GRK4: variants seen among roughly 807,000 people sequenced by gnomAD.
GRK4 encodes G protein-coupled receptor kinase 2-like.
A neutral mutation model predicts 77.9 loss-of-function variants in GRK4; 73 were observed. The ratio of observed to expected loss-of-function variants is 0.94; its 90% CI spans 0.78 to 1.14. GRK4 has a LOEUF of 1.14. GRK4 is among the 50% of genes most tolerant of loss of function. The probability of loss-of-function intolerance (pLI) is 0.00; values close to 1 mark genes in which losing one functional copy is unlikely to be tolerated. For missense variants in GRK4, 729 were observed against 700.2 expected (o/e 1.04, Z -0.46); for synonymous variants, 257 against 254.4 (o/e 1.01, Z -0.10).
Position 3,038,410 on chromosome 4 carries a change from A to T in GRK4, c.1580A>T (p.Lys527Ile), listed in dbSNP as rs181661911. The change falls in exon 15 of 16, where the codon AAA becomes ATA. Residue 527 changes from lysine to isoleucine, a missense_variant. Lys to Ile is a moderately radical substitution (Grantham distance 102). Transcript: ENST00000398052. ...IESGCFKDIN[K>I]SESEEALPLD... ...TCTGGGTGTTTCAAAGACATCAACA[A>T]AAGTGAAAGTGAGGAAGCTTTGCCA... 4.2e-5 allele frequency: 67 copies of T among 1,614,236 alleles called. No individual in the cohort carries two copies. The East Asian group carries it at 1.5e-3, about 36-fold the overall frequency.
Position 3,013,742 on chromosome 4 carries a change from C to CA in GRK4, c.664dup (p.Arg222LysfsTer8), listed in dbSNP as rs375862689. ...AAAAATGTATGCCTGCAAAAAGCTA[C>CA]AAAAAAAAAGAATAAAGAAGAGGAA... On this transcript the variant is annotated frameshift_variant, in exon 8 of 16. Coordinates refer to ENST00000398052, the MANE Select transcript of GRK4 (RefSeq NM_182982.3). LOFTEE classifies it high-confidence loss of function. 438 of 1,593,246 alleles carry CA rather than the reference C, an allele frequency of 2.7e-4. 1 individual carries two copies. The highest frequency in any genetic ancestry group is 1.5e-3 in the African/African-American group (113 of 73,562).
intron 10 of GRK4, 81 bp from the exon 11 acceptor site, chr4:3,027,831 G>A (rs1005973151): frequency 2.7e-6 from 3 of 1,093,112 alleles, no homozygotes; most frequent in Non-Finnish European, 4.2e-6. Flanking sequence ...GTTTTTGAGG[G>A]GCCTTTTTTC....
chr4:3,036,246 G>T (rs1323719870), intron 13 of GRK4, among the ~76,000 whole-genome samples: 3 of 152,214 alleles, frequency 2.0e-5, no homozygotes, highest in Non-Finnish European at 4.4e-5. Flanking sequence ...GAGGTCCTGG[G>T]ACTGTGGCCT....
At chr4:2,984,657 A>G (rs1487670552) in intron 2 of GRK4, 49 bp downstream of exon 2, 1 of 940,246 alleles carries the variant, frequency 1.1e-6, no homozygotes, top group Non-Finnish European at 1.6e-6. Context: ...CTGGCATGAT[A>G]CCATTCATTA....
chr4:2,963,905 T>TCGAGAACA lies in GRK4; in HGVS notation c.-166_-165insCGAGAACA. 1 of 674,546 alleles carries TCGAGAACA rather than the reference T, an allele frequency of 1.5e-6. No individual in the cohort carries two copies. The highest frequency in any genetic ancestry group is 2.6e-6 in the Non-Finnish European group (1 of 385,794). 41.8% of individuals were successfully genotyped at this position (674,546 alleles called of 1,614,324 possible). On this transcript the variant is annotated 5_prime_UTR_variant, in exon 1 of 16. In the 5' UTR this introduces an upstream ATG that the reference lacks. Transcript: ENST00000398052. ...TGCGGAGGCGGCGGCGGCGGCGCCC[T>TCGAGAACA]TGGTGGCAGTGGTGGCGGCGGAGCA...
At chr4:2,965,393 CT>C in intron 1 of GRK4, 1 of 703,076 alleles carries the variant, frequency 1.4e-6, no homozygotes, top group Non-Finnish European at 2.6e-6. Context: ...CCTCAAGTCC[CT>C]GTGCTAGCCA....
rs1320613082 is a variant in GRK4, at chr4:2,975,634, A to T, written c.53-8879A>T. On this transcript the variant is annotated intron_variant, in intron 1 of 15. Coordinates refer to ENST00000398052, the MANE Select transcript of GRK4 (RefSeq NM_182982.3). ...TTCCTCCTTGAGCCGGCTAACATGG[A>T]CAGACAGATGAAACCTCCACAGGTT... Among the ~76,000 whole-genome samples, 3 of 152,166 alleles carry T rather than the reference A, an allele frequency of 2.0e-5. No homozygotes were observed. The East Asian group carries it at 5.8e-4, about 29-fold the overall frequency.
intron 1 of GRK4, among the ~76,000 whole-genome samples, chr4:2,982,957 G>A (rs1723247739): frequency 6.6e-6 from 1 of 152,180 alleles, no homozygotes. Flanking sequence ...ATGTGGACTG[G>A]ATTTGAGGGG....
intron 4 of GRK4, among the ~76,000 whole-genome samples, chr4:2,995,389 C>G (rs1339951602): frequency 6.6e-6 from 1 of 151,894 alleles, no homozygotes; most frequent in Non-Finnish European, 1.5e-5. Flanking sequence ...TTTACTTGGA[C>G]CAGGTGCTGT....
chr4:2,997,113 G>A (rs1327987308), intron 4 of GRK4, among the ~76,000 whole-genome samples: 1 of 152,084 alleles, frequency 6.6e-6, no homozygotes, highest in Non-Finnish European at 1.5e-5. Context: ...GTTCATTCTT[G>A]CATTTCTTTA....
intron 1 of GRK4, among the ~76,000 whole-genome samples, chr4:2,972,190 C>A (rs1381129826): frequency 6.6e-6 from 1 of 152,150 alleles, no homozygotes; most frequent in Non-Finnish European, 1.5e-5. Flanking sequence ...AAGAGGAATC[C>A]TCTGACAGTT....
Position 3,040,688 on chromosome 4 carries a change from G to C in GRK4, c.*63G>C. ...AGGAAGGAGCATGTGTTAGCGTCTCGTCCCACCTGGAATTGTAATAAATAC... is the reference window on the plus strand; with the variant it reads ...AGGAAGGAGCATGTGTTAGCGTCTCCTCCCACCTGGAATTGTAATAAATAC... On this transcript the variant is annotated 3_prime_UTR_variant, in exon 16 of 16. Coordinates refer to ENST00000398052, the MANE Select transcript of GRK4 (RefSeq NM_182982.3). 2.2e-6 allele frequency: 3 copies of C among 1,363,884 alleles called. No individual in the cohort carries two copies. Among genetic ancestry groups the C allele is most frequent in the South Asian group, 2.4e-5 (2 of 82,096 alleles). The allele number at this position is 1,363,884 out of a possible 1,614,324, so 84.5% of individuals were successfully genotyped here. A position where few individuals can be genotyped will look rare whatever the true frequency, so the allele number is the denominator to read the frequency against.
intron 2 of GRK4, chr4:2,987,163 G>A (rs1369839186): frequency 3.9e-6 from 2 of 517,386 alleles, no homozygotes; most frequent in African/African-American, 3.9e-5. Flanking sequence ...TCCACTTTCT[G>A]TCTATGTCTT....
In GRK4 at chr4:3,035,480, G is replaced by C; in HGVS notation, c.1364G>C (p.Arg455Thr). Residue 455 changes from arginine (R) to threonine (T), a missense_variant, in exon 13 of 16, where the codon AGG (arginine) becomes ACG (threonine). Transcript: ENST00000398052. ...CCCGTGTTCAAGGACATCAACTTCA[G>C]GAGGCTGGAGGCAAACATGCTGGAG... The part of the protein sequence containing the change: ...QHPVFKDINF[R>T]RLEANMLEPP... The C allele has an allele frequency of 6.2e-7, 1 of 1,614,066 alleles. No homozygotes were observed. Among genetic ancestry groups the C allele is most frequent in the Non-Finnish European group, 8.5e-7 (1 of 1,179,978 alleles).
At chr4:3,039,265 G>A (rs979261475) in intron 15 of GRK4, among the ~76,000 whole-genome samples, 3 of 152,174 alleles carry the variant, frequency 2.0e-5, no homozygotes, top group African/African-American at 7.2e-5. Context: ...TTCTGTAATA[G>A]CATTAAATGT....
intron 4 of GRK4, among the ~76,000 whole-genome samples, chr4:3,002,333 G>A (rs1730069263): frequency 6.6e-6 from 1 of 152,180 alleles, no homozygotes; most frequent in South Asian, 2.1e-4. Flanking sequence ...GCTGGGCACA[G>A]TGGCACATGC....
intron 10 of GRK4, 92 bp downstream of exon 10, chr4:3,022,543 T>G: frequency 9.2e-7 from 1 of 1,088,434 alleles, no homozygotes; most frequent in Non-Finnish European, 1.4e-6. Flanking sequence ...ACTTAATGAT[T>G]AGGAGAGAAT....
chr4:3,021,189 C>G (rs1021592265), intron 9 of GRK4, among the ~76,000 whole-genome samples: 7 of 152,132 alleles, frequency 4.6e-5, no homozygotes, highest in African/African-American at 1.4e-4. Context: ...CCTCATCATG[C>G]GAGGGTTTTA....
intron 10 of GRK4, among the ~76,000 whole-genome samples, chr4:3,025,183 A>C (rs1737101204): frequency 6.7e-6 from 1 of 150,316 alleles, no homozygotes; most frequent in Non-Finnish European, 1.5e-5. Context: ...AGGCAGAAGA[A>C]TCGCTTGAAC....
Sources: allele counts gnomAD v4.1 joint callset (sites outside exome capture counted in the v4.1 genomes callset), GRCh38; gene constraint gnomAD v4.1.1; transcripts MANE v1.5; gene names NCBI Gene and HGNC (gene_info 2026-07-23, HGNC 2026-07-21).